IQCH: variants seen among roughly 807,000 people sequenced by gnomAD.
IQCH encodes IQ domain-containing protein H.
IQCH carries 98 observed loss-of-function variants against 117.0 expected under a neutral mutation model. The observed-to-expected ratio is 0.84, with a 90% confidence interval of 0.71 to 0.99. The LOEUF (loss-of-function observed/expected upper bound fraction) is 0.99. Among genes scored for constraint, IQCH ranks in the 50% least tolerant of loss-of-function variants. The pLI, the probability that IQCH is intolerant of heterozygous loss-of-function variation, is 0.00. For missense variants in IQCH, 1,102 were observed against 1,243.8 expected (o/e 0.89, Z 1.72); for synonymous variants, 412 against 448.2 (o/e 0.92, Z 1.02).
rs956325558 is a variant in IQCH at position 67,404,191 on chromosome 15, G to C, written c.2097+3886G>C. ...ATTAGACATTTGATATTAATTTGGG[G>C]ATCACAAAGGTAGGAGAAGAACTAT... On this transcript the variant is annotated intron_variant, in intron 14 of 20. Transcript: ENST00000335894. The surrounding 1 kb of genome is among the most constrained non-coding windows in gnomAD (Gnocchi z 4.6). The C allele has an allele frequency of 6.6e-6, 1 of 152,162 alleles. No homozygotes were observed. Among genetic ancestry groups the C allele is most frequent in the Non-Finnish European group, 1.5e-5 (1 of 68,030 alleles). 9.4% of individuals were successfully genotyped at this position (152,162 alleles called of 1,614,324 possible).
chr15:67,478,038 AGAG>A (rs895424592), intron 18 of IQCH, among the ~76,000 whole-genome samples: 1 of 152,208 alleles, frequency 6.6e-6, no homozygotes, highest in African/African-American at 2.4e-5. Context: ...TGGATGGCGC[AGAG>A]GAGAAGGTTC....
At chr15:67,437,087 G>A (rs1014664392) in intron 16 of IQCH, among the ~76,000 whole-genome samples, 2 of 152,096 alleles carry the variant, frequency 1.3e-5, no homozygotes, top group African/African-American at 4.8e-5. Flanking sequence ...CCTGGCAGGC[G>A]GCCAACCAGC....
At chr15:67,311,398 A>C (rs1967588591) in intron 4 of IQCH, among the ~76,000 whole-genome samples, 1 of 151,810 alleles carries the variant, frequency 6.6e-6, no homozygotes, top group East Asian at 1.9e-4. Context: ...CATCTTGTGC[A>C]GGCAAAATAA....
chr15:67,304,452 A>G lies in IQCH; in HGVS notation c.387+24940A>G, dbSNP rs763887606. 17 of 1,461,524 alleles carry G rather than the reference A, an allele frequency of 1.2e-5. No individual in the cohort carries two copies. The South Asian group carries it at 1.7e-4, about 15-fold the overall frequency. The allele number at this position is 1,461,524 out of a possible 1,614,324, so 90.5% of individuals were successfully genotyped here. A position where few individuals can be genotyped will look rare whatever the true frequency, so the allele number is the denominator to read the frequency against. On this transcript the variant is annotated intron_variant, in intron 4 of 20. Transcript: ENST00000335894. ...TGCCATATATTAATCAGAGAAAAGC[A>G]TGTGTAAGTAATGAGTTGTTTTAAT...
Position 67,356,749 on chromosome 15 carries a change from A to G in IQCH, c.638-596A>G, listed in dbSNP as rs1205751896. 1.3e-5 allele frequency among the ~76,000 whole-genome samples: 2 copies of G among 152,216 alleles called. No homozygotes were observed. The highest frequency in any genetic ancestry group is 4.8e-5 in the African/African-American group (2 of 41,462). ...AGGGCAGTCAGGTTTGCTGCTAGGC[A>G]GTAGGAGAGATGTGATTGAGAGCAT... On this transcript the variant is annotated intron_variant, in intron 6 of 20. Coordinates refer to ENST00000335894, the MANE Select transcript of IQCH (RefSeq NM_001031715.3). The surrounding 1 kb of genome is among the most constrained non-coding windows in gnomAD (Gnocchi z 5.3).
At chr15:67,306,087 G>A (rs1035076125) in intron 4 of IQCH, among the ~76,000 whole-genome samples, 1 of 151,772 alleles carries the variant, frequency 6.6e-6, no homozygotes. Context: ...CAAACTGTTG[G>A]CCTTTTGATC....
At chr15:67,302,699 A>C (rs1328663735) in intron 4 of IQCH, among the ~76,000 whole-genome samples, 3 of 152,298 alleles carry the variant, frequency 2.0e-5, no homozygotes, top group Admixed American at 2.0e-4. Context: ...TCTACTAAAA[A>C]TACAAAAATT....
intron 1 of IQCH, among the ~76,000 whole-genome samples, chr15:67,258,471 C>T (rs992477789): frequency 3.4e-5 from 5 of 148,298 alleles, no homozygotes; most frequent in Non-Finnish European, 7.4e-5. Flanking sequence ...GTGGAGGTTG[C>T]AGTGAGCCAA....
At chr15:67,400,491 C>CTTTTCTTTTTTTCT (rs776111763) in intron 14 of IQCH, among the ~76,000 whole-genome samples, 186 bp downstream of exon 14, 1 of 115,600 alleles carries the variant, frequency 8.7e-6, no homozygotes, top group Non-Finnish European at 1.7e-5. Flanking sequence ...TCTTTTTTTT[C>CTTTTCTTTTTTTCT]TTTTTTTTTT....
chr15:67,266,517 C>G (rs200102249), intron 3 of IQCH, among the ~76,000 whole-genome samples: 1 of 151,982 alleles, frequency 6.6e-6, no homozygotes, highest in Admixed American at 6.5e-5. Flanking sequence ...ATTAGCCAGG[C>G]GTGGTGGCAG....
rs1396708184 is a variant in IQCH at position 67,490,186 on chromosome 15, T to G, written c.2861+122T>G. On this transcript the variant is annotated intron_variant, in intron 19 of 20. Transcript: ENST00000335894. The surrounding 1 kb of genome is among the most constrained non-coding windows in gnomAD (Gnocchi z 4.9). ...CTGATTTATTAGAAGTCTATCTTTATTTAGATCTTCAGGTATTTTATTTTA... is the reference window on the plus strand; with the variant it reads ...CTGATTTATTAGAAGTCTATCTTTAGTTAGATCTTCAGGTATTTTATTTTA... 1.3e-6 allele frequency: 1 copy of G among 754,546 alleles called. No homozygotes were observed. Among genetic ancestry groups the G allele is most frequent in the Non-Finnish European group, 2.3e-6 (1 of 438,614 alleles). 46.7% of individuals were successfully genotyped at this position (754,546 alleles called of 1,614,324 possible).
At position 67,416,735 on chromosome 15, in the gene IQCH, C is replaced by T. The variant is rs996584842; in HGVS notation, c.2098-196C>T. Among the ~76,000 whole-genome samples the T allele has an allele frequency of 1.3e-5, 2 of 151,876 alleles. No individual in the cohort carries two copies. Among genetic ancestry groups the T allele is most frequent in the Admixed American group, 6.6e-5 (1 of 15,234 alleles). ...CAGGAACAATTAAGAATTTTTAGGG[C>T]GCCAAATCACTTTTGAAATATGAAA... is the stretch of plus-strand genomic sequence containing the variant. On this transcript the variant is annotated intron_variant, in intron 14 of 20. Transcript: ENST00000335894. This position sits in a 1 kb window ranked among gnomAD's most constrained non-coding sequence, Gnocchi z 5.1.
At chr15:67,499,288 G>C (rs1400316824) in intron 20 of IQCH, among the ~76,000 whole-genome samples, 3 of 82,750 alleles carry the variant, frequency 3.6e-5, no homozygotes, top group African/African-American at 1.7e-4. Context: ...GATAGAGCAA[G>C]ACCTGTCCCA....
In IQCH at chr15:67,416,904, GTGGTT is replaced by G; in HGVS notation, c.2098-26_2098-22del. On this transcript the variant is annotated intron_variant, in intron 14 of 20. Coordinates refer to ENST00000335894, the MANE Select transcript of IQCH (RefSeq NM_001031715.3). This position sits in a 1 kb window ranked among gnomAD's most constrained non-coding sequence, Gnocchi z 5.1. ...TTTCATTTCTGTAGTAAAATTGCTT[GTGGTT>G]CTATTTAATTTGTTTCTGCAGGAGC... is the stretch of plus-strand genomic sequence containing the variant. 1 of 1,539,358 alleles carries G rather than the reference GTGGTT, an allele frequency of 6.5e-7. No individual in the cohort carries two copies. Among genetic ancestry groups the G allele is most frequent in the Non-Finnish European group, 8.7e-7 (1 of 1,144,248 alleles).
chr15:67,257,709 T>C (rs187666635), intron 1 of IQCH, among the ~76,000 whole-genome samples: 43 of 152,390 alleles, frequency 2.8e-4, no homozygotes, highest in African/African-American at 1.0e-3. Context: ...AATATATCTT[T>C]ATAAATACTT....
chr15:67,400,190 T>G lies in IQCH; in HGVS notation c.1982T>G (p.Phe661Cys). The part of the protein sequence containing the change: ...QRWLFKMDSE[F>C]RGNGTAFCDI... ...TGGCTCTTTAAAATGGACTCTGAGT[T>G]CCGAGGAAATGGGACTGCATTTTGT... is the stretch of plus-strand genomic sequence containing the variant. Residue 661 changes from phenylalanine to cysteine, a missense_variant, in exon 14 of 21, where the codon TTC (phenylalanine) becomes TGC (cysteine). By Grantham distance (205) the Phe-to-Cys change is radical. Transcript: ENST00000335894. 1 of 1,613,834 alleles carries G rather than the reference T, an allele frequency of 6.2e-7. No homozygotes were observed.
intron 4 of IQCH, chr15:67,281,490 G>T (rs1194633928): frequency 3.0e-6 from 1 of 336,342 alleles, no homozygotes; most frequent in Non-Finnish European, 5.9e-6. Flanking sequence ...TGGCAAAACA[G>T]GTTATAAGAG....
Position 67,423,700 on chromosome 15 carries a change from C to T in IQCH, c.2505+2123C>T, listed in dbSNP as rs112113378. Among the ~76,000 whole-genome samples the T allele has an allele frequency of 9.3e-3, 1,400 of 150,738 alleles. 35 individuals carry two copies. The highest frequency in any genetic ancestry group is 0.031 in the African/African-American group (1,266 of 41,170). Reference sequence around the variant, plus strand: ...GGTGGATTGCTTGAGGTCAGGAGTTCGAGATCAGCCAGGCGTGATGGTGGA... The same window carrying T: ...GGTGGATTGCTTGAGGTCAGGAGTTTGAGATCAGCCAGGCGTGATGGTGGA... On this transcript the variant is annotated intron_variant, in intron 16 of 20. Coordinates refer to ENST00000335894, the MANE Select transcript of IQCH (RefSeq NM_001031715.3).
At position 67,436,972 on chromosome 15, in the gene IQCH, G is replaced by C. The variant is rs2082153636; in HGVS notation, c.2505+15395G>C. On this transcript the variant is annotated intron_variant, in intron 16 of 20. Transcript: ENST00000335894. The surrounding 1 kb of genome is among the most constrained non-coding windows in gnomAD (Gnocchi z 5.1). ...TGATGGTCCTTCCCTATCCACCCTGGTAGCAGAAGACAAAGGGCATATAAT... is the reference window on the plus strand; with the variant it reads ...TGATGGTCCTTCCCTATCCACCCTGCTAGCAGAAGACAAAGGGCATATAAT... Among the ~76,000 whole-genome samples the C allele has an allele frequency of 6.6e-6, 1 of 151,644 alleles. No homozygotes were observed. Among genetic ancestry groups the C allele is most frequent in the Admixed American group, 6.6e-5 (1 of 15,228 alleles).
Sources: gnomAD v4.1 joint callset for allele counts (sites outside exome capture counted in the v4.1 genomes callset) on GRCh38, gnomAD v4.1.1 for gene constraint, Gnocchi (gnomAD v3.1) non-coding constraint, MANE v1.5 for transcripts, NCBI Gene and HGNC (gene_info 2026-07-23, HGNC 2026-07-21) for gene names.